SOX13: variants seen among roughly 807,000 people sequenced by gnomAD.
SOX13 encodes the protein transcription factor SOX-13.
In SOX13, 28 loss-of-function variants were observed where a neutral mutation model predicts 71.8. That is an observed-to-expected ratio of 0.39 (90% CI 0.29 to 0.53). The LOEUF is 0.53. Ranked by LOEUF, SOX13 falls within the 20% of genes least tolerant of loss-of-function variation. The pLI, the probability that SOX13 is intolerant of heterozygous loss-of-function variation, is 0.70. For missense variants in SOX13, 627 were observed against 810.3 expected, an observed-to-expected ratio of 0.77 and a Z score of 2.75; for synonymous variants, 309 against 317.8, an observed-to-expected ratio of 0.97 and a Z score of 0.29.
chr1:204,090,793 G>C (rs1474061990), intron 1 of SOX13, among the ~76,000 whole-genome samples: 5 of 152,188 alleles, frequency 3.3e-5, no homozygotes, highest in Admixed American at 3.3e-4. Flanking sequence ...AGTGTGTATT[G>C]AGCATGGATT....
chr1:204,114,484 A>G (rs532559346), intron 3 of SOX13, 35 bp from the exon 4 acceptor site: 9 of 1,607,892 alleles, frequency 5.6e-6, no homozygotes, highest in African/African-American at 4.0e-5. Context: ...GGAGGTGTTA[A>G]GACGGTTATT....
At position 204,117,622 on chromosome 1, in the gene SOX13, A is replaced by G; in HGVS notation, c.690A>G (p.Pro230=). The G allele has an allele frequency of 6.2e-7, 1 of 1,613,192 alleles. No homozygotes were observed. The highest frequency in any genetic ancestry group is 8.5e-7 in the Non-Finnish European group (1 of 1,179,618). ...QQVNMPYVMI[P]AFPPSHQPLP... ...TTAACATGCCTTATGTCATGATCCC[A>G]GCCTTCCCCCCAAGCCACCAACCTC... Residue 230 remains proline, a synonymous_variant, in exon 7 of 14, where the codon CCA becomes CCG. Coordinates refer to ENST00000367204, the MANE Select transcript of SOX13 (RefSeq NM_005686.3).
intron 1 of SOX13, among the ~76,000 whole-genome samples, chr1:204,107,429 C>T (rs1656491695): frequency 6.6e-6 from 1 of 152,132 alleles, no homozygotes. Flanking sequence ...GCAGTGACCA[C>T]ATAATGACCC....
At chr1:204,084,079 G>GA (rs1655964645) in intron 1 of SOX13, among the ~76,000 whole-genome samples, 1 of 152,210 alleles carries the variant, frequency 6.6e-6, no homozygotes, top group South Asian at 2.1e-4. Context: ...GGCACACTAT[G>GA]ACTTTGCGGG....
At chr1:204,118,802 G>C (rs1405919571) in intron 7 of SOX13, 1 of 152,302 alleles carries the variant, frequency 6.6e-6, no homozygotes, top group Non-Finnish European at 1.5e-5. Context: ...GTTGGGGAGG[G>C]AGCATGGAGT....
intron 7 of SOX13, chr1:204,119,844 C>CA (rs78139704): frequency 0.012 from 955 of 79,058 alleles, 9 homozygotes; most frequent in African/African-American, 0.03. Context: ...CCTGTCTCTA[C>CA]AAAAAAAAAA....
intron 1 of SOX13, among the ~76,000 whole-genome samples, chr1:204,105,697 C>T (rs1016399721): frequency 2.0e-5 from 3 of 152,162 alleles, no homozygotes; most frequent in African/African-American, 7.2e-5. Flanking sequence ...TGAGTCCGGC[C>T]ATTCTATACA....
At chr1:204,111,895 C>T (rs1656586558) in intron 1 of SOX13, among the ~76,000 whole-genome samples, 1 of 152,094 alleles carries the variant, frequency 6.6e-6, no homozygotes, top group African/African-American at 2.4e-5. Flanking sequence ...TTACTTTTAC[C>T]TTATCTCCAC....
At chr1:204,089,243 T>C (rs979365168) in intron 1 of SOX13, among the ~76,000 whole-genome samples, 1 of 151,568 alleles carries the variant, frequency 6.6e-6, no homozygotes, top group Non-Finnish European at 1.5e-5. Context: ...TATGACTGAG[T>C]GTGTGGTGTC....
chr1:204,078,863 T>A (rs141802645), intron 1 of SOX13, among the ~76,000 whole-genome samples: 8 of 152,322 alleles, frequency 5.3e-5, no homozygotes, highest in Non-Finnish European at 7.3e-5. Context: ...GCTTCTCTGA[T>A]AAAGAGTGAC....
intron 1 of SOX13, among the ~76,000 whole-genome samples, chr1:204,076,181 C>T (rs1430642460): frequency 1.3e-5 from 2 of 152,218 alleles, no homozygotes; most frequent in African/African-American, 4.8e-5. Context: ...GCAGTGTTCT[C>T]TCCATGGAAA....
intron 1 of SOX13, 33 bp from the exon 2 acceptor site, chr1:204,112,882 G>C (rs1380731195): frequency 6.3e-7 from 1 of 1,580,260 alleles, no homozygotes; most frequent in Non-Finnish European, 8.7e-7. Flanking sequence ...TACGACTGGG[G>C]ACTCACCTCA....
chr1:204,120,197 T>C (rs567648131), intron 7 of SOX13, among the ~76,000 whole-genome samples: 7 of 152,222 alleles, frequency 4.6e-5, no homozygotes, highest in Admixed American at 4.6e-4. Flanking sequence ...ACAGGCCCAA[T>C]GTGGAAGTTT....
chr1:204,102,196 G>A (rs530348561), intron 1 of SOX13, among the ~76,000 whole-genome samples: 1 of 152,354 alleles, frequency 6.6e-6, no homozygotes, highest in Non-Finnish European at 1.5e-5. Flanking sequence ...GGGAGAAGGA[G>A]TGTTTGGCAA....
At chr1:204,096,238 C>CTTTTTTTTTT (rs1491344524) in intron 1 of SOX13, among the ~76,000 whole-genome samples, 3 of 61,252 alleles carry the variant, frequency 4.9e-5, no homozygotes, top group Admixed American at 2.0e-4. Flanking sequence ...TTCTTTCTTT[C>CTTTTTTTTTT]GTTTTTTTTT....
intron 1 of SOX13, among the ~76,000 whole-genome samples, chr1:204,105,207 C>T (rs1295256934): frequency 6.6e-6 from 1 of 152,184 alleles, no homozygotes; most frequent in African/African-American, 2.4e-5. Context: ...AGACTCAAGG[C>T]TCTGCATGTC....
chr1:204,124,620 G>A, intron 12 of SOX13, 21 bp from the exon 13 acceptor site: 1 of 1,592,356 alleles, frequency 6.3e-7, no homozygotes, highest in Non-Finnish European at 8.5e-7. Flanking sequence ...CTGACTGCCT[G>A]CCCCTGGGGG....
At chr1:204,082,996 A>G (rs753448002) in intron 1 of SOX13, among the ~76,000 whole-genome samples, 4 of 152,208 alleles carry the variant, frequency 2.6e-5, no homozygotes. Flanking sequence ...TTTGGTTTTC[A>G]TAATGTAAAT....
chr1:204,126,686 A>C lies in SOX13; in HGVS notation c.*552A>C. On this transcript the variant is annotated 3_prime_UTR_variant, in exon 14 of 14. Transcript: ENST00000367204. ...GTGCGCGTGCACGTGTGTGTGTTTC[A>C]TCTGTTCATTCACTGCACAAGATAT... 1 of 159,356 alleles carries C rather than the reference A, an allele frequency of 6.3e-6. No individual in the cohort carries two copies. Among genetic ancestry groups the C allele is most frequent in the Non-Finnish European group, 1.4e-5 (1 of 71,802 alleles). 9.9% of individuals were successfully genotyped at this position (159,356 alleles called of 1,614,324 possible). A position where few individuals can be genotyped will look rare whatever the true frequency, so the allele number is the denominator to read the frequency against.
Sources: allele counts gnomAD v4.1 joint callset (sites outside exome capture counted in the v4.1 genomes callset), GRCh38; gene constraint gnomAD v4.1.1; transcripts MANE v1.5; gene names NCBI Gene and HGNC (gene_info 2026-07-23, HGNC 2026-07-21).